The following FREM2 variants were observed in gnomAD, a reference collection of about 807,000 sequenced individuals.
FREM2 encodes the protein FRAS1 related extracellular matrix 2.
FREM2 carries 119 observed loss-of-function variants against 219.9 expected under a neutral mutation model. The ratio of observed to expected loss-of-function variants is 0.54; its 90% CI spans 0.47 to 0.63. The LOEUF is 0.63. Ranked by LOEUF, FREM2 falls within the 30% of genes least tolerant of loss-of-function variation. The probability of loss-of-function intolerance (pLI) is 0.00; values close to 1 mark genes in which losing one functional copy is unlikely to be tolerated. For missense variants in FREM2, 4,030 were observed against 3,993.6 expected (o/e 1.01, Z -0.25); for synonymous variants, 1,562 against 1,522.8 (o/e 1.03, Z -0.60).
intron 2 of FREM2, among the ~76,000 whole-genome samples, chr13:38,734,403 TTATA>T (rs1330838482): frequency 1.4e-4 from 21 of 152,172 alleles, no homozygotes; most frequent in Non-Finnish European, 2.6e-4. Context: ...ATGAAATACT[TTATA>T]TATAACTAGT....
chr13:38,740,240 GA>G (rs1479996674), intron 2 of FREM2, among the ~76,000 whole-genome samples: 10 of 152,138 alleles, frequency 6.6e-5, no homozygotes, highest in Admixed American at 3.9e-4. Context: ...AGGCTGTGGA[GA>G]AAAAGTTATT....
At chr13:38,769,914 C>T in intron 4 of FREM2, 106 bp downstream of exon 4, 1 of 834,688 alleles carries the variant, frequency 1.2e-6, no homozygotes, top group Non-Finnish European at 2.0e-6. Flanking sequence ...TTGAAATTTC[C>T]ATAGAGAGAA....
chr13:38,740,954 A>G (rs975055485), intron 2 of FREM2, among the ~76,000 whole-genome samples: 2 of 152,196 alleles, frequency 1.3e-5, no homozygotes, highest in African/African-American at 2.4e-5. Flanking sequence ...CTATTCAACA[A>G]TGCAACTCTC....
chr13:38,872,921 G>A lies in FREM2; in HGVS notation c.8163G>A (p.Glu2721=). 6.2e-7 allele frequency: 1 copy of A among 1,613,720 alleles called. No homozygotes were observed. The highest frequency in any genetic ancestry group is 1.1e-5 in the South Asian group (1 of 91,074). ...ATGATGGAATTGGCAGCCCCCCAGA[G>A]GCTGAACTTCAAGGTGAGTTCAGAA... ...LWNDGIGSPP[E]AELQGSLYPT... The change falls in exon 17 of 24, where the codon GAG becomes GAA. Residue 2721 remains glutamate, a synonymous_variant. Coordinates refer to ENST00000280481, the MANE Select transcript of FREM2 (RefSeq NM_207361.6).
chr13:38,858,799 A>G (rs1480944290), intron 13 of FREM2, among the ~76,000 whole-genome samples: 5 of 152,160 alleles, frequency 3.3e-5, no homozygotes, highest in African/African-American at 1.2e-4. Context: ...AAGAATGATC[A>G]GAGGGGTTAA....
chr13:38,774,014 A>G, intron 4 of FREM2, among the ~76,000 whole-genome samples: 1 of 151,004 alleles, frequency 6.6e-6, no homozygotes, highest in East Asian at 1.9e-4. Context: ...ATATATTCAA[A>G]TATATATATT....
At chr13:38,853,113 A>G (rs1490448704) in intron 11 of FREM2, among the ~76,000 whole-genome samples, 1 of 151,948 alleles carries the variant, frequency 6.6e-6, no homozygotes, top group Non-Finnish European at 1.5e-5. Flanking sequence ...GGATCACCTG[A>G]GGTCAGGAGT....
At chr13:38,823,942 C>T (rs1593429535) in intron 6 of FREM2, among the ~76,000 whole-genome samples, 1 of 152,034 alleles carries the variant, frequency 6.6e-6, no homozygotes. Context: ...AAAAGAAGGG[C>T]ATTGGCCAAC....
At chr13:38,837,039 G>A (rs889729034) in intron 6 of FREM2, among the ~76,000 whole-genome samples, 3 of 152,122 alleles carry the variant, frequency 2.0e-5, no homozygotes, top group African/African-American at 7.2e-5. Context: ...ATGTTAGGGT[G>A]TTGATTTTAG....
At position 38,848,480 on chromosome 13, in the gene FREM2, C is replaced by T. The variant is rs760127353; in HGVS notation, c.6189C>T (p.Gly2063=). 1.9e-6 allele frequency: 3 copies of T among 1,613,404 alleles called. No individual in the cohort carries two copies. In the South Asian group the frequency reaches 3.3e-5, roughly 18 times the overall value. The change falls in exon 8 of 24, where the codon GGC becomes GGT. Residue 2063 remains glycine, a synonymous_variant. Transcript: ENST00000280481. ...TCATAGCTGGAACAGACTATGTGGG[C>T]ATCAGCCGTAATTTAGATTTTGCAC... ...PSADAGTDYV[G]ISRNLDFAPG...
At chr13:38,716,331 C>A (rs1291794502) in intron 2 of FREM2, among the ~76,000 whole-genome samples, 2 of 152,110 alleles carry the variant, frequency 1.3e-5, no homozygotes, top group Non-Finnish European at 2.9e-5. Context: ...GGTACTTATG[C>A]AAAATTCGAA....
intron 4 of FREM2, among the ~76,000 whole-genome samples, chr13:38,775,656 G>C (rs2137821538): frequency 6.6e-6 from 1 of 152,288 alleles, no homozygotes; most frequent in Admixed American, 6.5e-5. Context: ...GTCTCACTCT[G>C]TCACCCAGGC....
rs1878548753 is a variant in FREM2, at chr13:38,881,499, T to C, written c.*712T>C. 6.5e-6 allele frequency: 1 copy of C among 154,852 alleles called. No individual in the cohort carries two copies. The highest frequency in any genetic ancestry group is 2.4e-5 in the African/African-American group (1 of 41,462). The allele number at this position is 154,852 out of a possible 1,614,324, so 9.6% of individuals were successfully genotyped here. ...AATTCTGAAAGAGATTTTTAAGAGA[T>C]GCTGCTCTGTTTTGGCATATAGTGA... is the stretch of plus-strand genomic sequence containing the variant. On this transcript the variant is annotated 3_prime_UTR_variant, in exon 24 of 24. Coordinates refer to ENST00000280481, the MANE Select transcript of FREM2 (RefSeq NM_207361.6).
intron 15 of FREM2, 121 bp from the exon 16 acceptor site, chr13:38,864,154 A>G (rs766941885): frequency 2.6e-5 from 20 of 779,106 alleles, no homozygotes; most frequent in Non-Finnish European, 4.1e-5. Flanking sequence ...TCTGTATGCC[A>G]TACACCACTG....
intron 2 of FREM2, among the ~76,000 whole-genome samples, chr13:38,747,140 G>A (rs976302356): frequency 5.9e-5 from 9 of 152,150 alleles, no homozygotes; most frequent in South Asian, 2.1e-4. Flanking sequence ...AAAGGGAGGC[G>A]AGAGAGTAAG....
At chr13:38,838,811 C>T (rs756310348) in intron 6 of FREM2, among the ~76,000 whole-genome samples, 2 of 152,152 alleles carry the variant, frequency 1.3e-5, no homozygotes, top group Non-Finnish European at 2.9e-5. Flanking sequence ...TCAGCTCCAT[C>T]AGTTCATTTA....
chr13:38,858,833 G>A (rs781553524), intron 13 of FREM2, among the ~76,000 whole-genome samples: 3 of 152,100 alleles, frequency 2.0e-5, no homozygotes, highest in East Asian at 1.9e-4. Context: ...CAGGGCAGTC[G>A]TGTGTCAGTG....
intron 16 of FREM2, among the ~76,000 whole-genome samples, chr13:38,869,329 GAAGTGTGATT>G (rs1878079700): frequency 6.6e-6 from 1 of 152,178 alleles, no homozygotes; most frequent in African/African-American, 2.4e-5. Context: ...TAACAGCAAT[GAAGTGTGATT>G]AACTTTTATG....
chr13:38,869,224 A>G (rs1878075114), intron 16 of FREM2, among the ~76,000 whole-genome samples: 1 of 152,192 alleles, frequency 6.6e-6, no homozygotes, highest in African/African-American at 2.4e-5. Flanking sequence ...TTTTCTTTGT[A>G]AATGAAAATC....
Sources: allele counts gnomAD v4.1 joint callset (sites outside exome capture counted in the v4.1 genomes callset), GRCh38; gene constraint gnomAD v4.1.1; transcripts MANE v1.5; gene names NCBI Gene and HGNC (gene_info 2026-07-23, HGNC 2026-07-21).